The following IFITM10 variants were observed in gnomAD, a reference collection of about 807,000 sequenced individuals.
IFITM10 encodes interferon-induced transmembrane protein 10.
A neutral mutation model predicts 19.0 loss-of-function variants in IFITM10; 17 were observed. That is an observed-to-expected ratio of 0.90 (90% CI 0.61 to 1.34). IFITM10 has a LOEUF of 1.34. IFITM10 is among the 40% of genes most tolerant of loss of function. The pLI is 0.00. For missense variants in IFITM10, 306 were observed against 319.8 expected (o/e 0.96, Z 0.33); for synonymous variants, 148 against 147.2 (o/e 1.01, Z -0.04).
At chr11:1,748,188 G>T in intron 1 of IFITM10, 69 bp from the exon 2 acceptor site, 3 of 1,162,136 alleles carry the variant, frequency 2.6e-6, no homozygotes, top group South Asian at 3.0e-5. Flanking sequence ...ACGCCCAGCA[G>T]CTCCGAGAAC....
At chr11:1,747,313 C>T (rs1845662142) in intron 2 of IFITM10, among the ~76,000 whole-genome samples, 1 of 152,140 alleles carries the variant, frequency 6.6e-6, no homozygotes. Context: ...GTGGCTGCTG[C>T]CCAGGTCTAC....
chr11:1,746,619 G>C (rs772554597), intron 2 of IFITM10: 2 of 398,666 alleles, frequency 5.0e-6, no homozygotes, highest in Non-Finnish European at 8.8e-6. Context: ...CCGCAGTTGC[G>C]ATGCCGGGCG....
At chr11:1,736,198 G>A (rs1028121912) in intron 2 of IFITM10, among the ~76,000 whole-genome samples, 9 of 152,192 alleles carry the variant, frequency 5.9e-5, no homozygotes, top group East Asian at 3.8e-4. Flanking sequence ...AGACAGGAAG[G>A]GGCAAAAAGT....
intron 2 of IFITM10, chr11:1,746,761 T>C (rs1261167127): frequency 5.0e-6 from 2 of 398,644 alleles, no homozygotes; most frequent in Non-Finnish European, 8.8e-6. Flanking sequence ...GGCAGCTGCA[T>C]TGGTGGAGTA....
chr11:1,741,078 G>A (rs545976139), intron 2 of IFITM10, among the ~76,000 whole-genome samples: 25 of 152,056 alleles, frequency 1.6e-4, no homozygotes, highest in Admixed American at 1.2e-3. Context: ...ACAGCCTGCC[G>A]AACCATGAGC....
intron 2 of IFITM10, among the ~76,000 whole-genome samples, chr11:1,738,185 T>C (rs140573234): frequency 3.5e-4 from 53 of 152,188 alleles, no homozygotes; most frequent in Non-Finnish European, 6.8e-4. Flanking sequence ...AAAATGTACG[T>C]TGGATGAGTG....
Position 1,735,402 on chromosome 11 carries a change from G to A in IFITM10, c.565C>T (p.Leu189=), listed in dbSNP as rs1851076065. Residue 189 remains leucine, a synonymous_variant, in exon 3 of 3, where the codon CTG becomes TTG. Coordinates refer to ENST00000340134, the MANE Select transcript of IFITM10 (RefSeq NM_001170820.4). ...KVRDKKLLND[L]NGAVEDAKTA... ...TTTGCATCCTCCACGGCTCCATTCA[G>A]GTCATTGAGAAGCTTCTTGTCTCGC... 1.9e-6 allele frequency: 3 copies of A among 1,551,638 alleles called. No homozygotes were observed. The highest frequency in any genetic ancestry group is 2.6e-6 in the Non-Finnish European group (3 of 1,146,936).
intron 2 of IFITM10, chr11:1,745,408 T>C (rs1390092387): frequency 6.6e-6 from 1 of 152,286 alleles, no homozygotes; most frequent in Admixed American, 6.5e-5. Flanking sequence ...AGGATTGGTC[T>C]GGGGAGCCAC....
chr11:1,735,597 G>T (rs76087679), intron 2 of IFITM10, among the ~76,000 whole-genome samples, 168 bp from the exon 3 acceptor site: 17,827 of 152,200 alleles, frequency 0.12, 1,238 homozygotes, highest in Middle Eastern at 0.21. Flanking sequence ...TCTCTGCCCT[G>T]GGGCACTGTA....
At chr11:1,742,898 G>A (rs1845586156) in intron 2 of IFITM10, among the ~76,000 whole-genome samples, 1 of 152,130 alleles carries the variant, frequency 6.6e-6, no homozygotes, top group South Asian at 2.1e-4. Context: ...TGGATGGATG[G>A]ATGGACAGAT....
rs576976576 is a variant in IFITM10 at position 1,750,441 on chromosome 11, ATC to A, written c.-1_1del. 1.5e-3 allele frequency: 2,353 copies of A among 1,548,852 alleles called. 6 individuals are homozygous for A. Among genetic ancestry groups the A allele is most frequent in the Middle Eastern group, 0.011 (67 of 5,990 alleles). ...TGGCGGCCCCCGTTTTCCCTCCCTC[ATC>A]TCTCTCCAAGCCCCATCCTCCCATG... On this transcript the variant is annotated start_lost and start_retained_variant and 5_prime_UTR_variant, in exon 1 of 3. Transcript: ENST00000340134.
At chr11:1,736,477 A>T (rs1385863545) in intron 2 of IFITM10, among the ~76,000 whole-genome samples, 1 of 152,148 alleles carries the variant, frequency 6.6e-6, no homozygotes, top group Non-Finnish European at 1.5e-5. Flanking sequence ...AGGAGAGAAA[A>T]AAGAAGATAG....
At chr11:1,742,264 A>G (rs529754870) in intron 2 of IFITM10, among the ~76,000 whole-genome samples, 16 of 152,272 alleles carry the variant, frequency 1.1e-4, no homozygotes, top group African/African-American at 3.4e-4. Flanking sequence ...ATGATTAGCT[A>G]TATTAGTAAA....
intron 2 of IFITM10, 102 bp from the exon 3 acceptor site, chr11:1,735,531 T>C (rs575184166): frequency 9.8e-7 from 1 of 1,024,134 alleles, no homozygotes; most frequent in Non-Finnish European, 1.4e-6. Context: ...CTCAGCACAG[T>C]ACCAGTGCTT....
rs1851068558 is a variant in IFITM10 at position 1,734,990 on chromosome 11, G to A, written c.*290C>T. On this transcript the variant is annotated 3_prime_UTR_variant, in exon 3 of 3. Coordinates refer to ENST00000340134, the MANE Select transcript of IFITM10 (RefSeq NM_001170820.4). ...GCCTGGGAAGGGGCACGTGAGGGCA[G>A]GGACACAGACGCTGGAAGCCAGGGT... 2.3e-6 allele frequency: 1 copy of A among 439,114 alleles called. No homozygotes were observed. Among genetic ancestry groups the A allele is most frequent in the Non-Finnish European group, 4.1e-6 (1 of 245,704 alleles). The allele number at this position is 439,114 out of a possible 1,614,324, so 27.2% of individuals were successfully genotyped here. A position where few individuals can be genotyped will look rare whatever the true frequency, so the allele number is the denominator to read the frequency against.
chr11:1,742,446 G>C (rs1167475445), intron 2 of IFITM10, among the ~76,000 whole-genome samples: 1 of 152,194 alleles, frequency 6.6e-6, no homozygotes, highest in Non-Finnish European at 1.5e-5. Context: ...AATAGAGAAA[G>C]TGACAGTGGC....
In IFITM10 at chr11:1,746,409, A is replaced by G. The variant is rs1318704736; in HGVS notation, c.537+1258T>C. The G allele has an allele frequency of 2.7e-5, 5 of 185,428 alleles. No individual in the cohort carries two copies. In the African/African-American group the frequency reaches 4.8e-4, roughly 18 times the overall value. 11.5% of individuals were successfully genotyped at this position (185,428 alleles called of 1,614,324 possible). A position where few individuals can be genotyped will look rare whatever the true frequency, so the allele number is the denominator to read the frequency against. ...GCACACAATGCATTCACATGCACAC[A>G]TAGTTACACTCACAGTACATGCCCA... On this transcript the variant is annotated intron_variant, in intron 2 of 2. Coordinates refer to ENST00000340134, the MANE Select transcript of IFITM10 (RefSeq NM_001170820.4).
At chr11:1,740,535 T>C (rs903950055) in intron 2 of IFITM10, among the ~76,000 whole-genome samples, 1 of 151,992 alleles carries the variant, frequency 6.6e-6, no homozygotes, top group Non-Finnish European at 1.5e-5. Context: ...TTTTTGGGGT[T>C]TGATCAACTG....
chr11:1,732,925 T>G lies in IFITM10; in HGVS notation c.*2355A>C, dbSNP rs1284499606. 6.6e-6 allele frequency: 1 copy of G among 152,210 alleles called. No individual in the cohort carries two copies. The highest frequency in any genetic ancestry group is 1.5e-5 in the Non-Finnish European group (1 of 68,106). The allele number at this position is 152,210 out of a possible 1,614,324, so 9.4% of individuals were successfully genotyped here. A position where few individuals can be genotyped will look rare whatever the true frequency, so the allele number is the denominator to read the frequency against. On this transcript the variant is annotated 3_prime_UTR_variant, in exon 3 of 3. Coordinates refer to ENST00000340134, the MANE Select transcript of IFITM10 (RefSeq NM_001170820.4). Reference sequence around the variant, plus strand: ...GGCAGCCACCAGCACTGCCACCAAATGTTTAAGGAAAATAGGCAAAGAAAG... The same window carrying G: ...GGCAGCCACCAGCACTGCCACCAAAGGTTTAAGGAAAATAGGCAAAGAAAG...
Sources: gnomAD v4.1 joint callset for allele counts (sites outside exome capture counted in the v4.1 genomes callset) on GRCh38, gnomAD v4.1.1 for gene constraint, MANE v1.5 for transcripts, NCBI Gene and HGNC (gene_info 2026-07-23, HGNC 2026-07-21) for gene names.